The following FBXO45 variants were observed in gnomAD, a reference collection of about 807,000 sequenced individuals.
FBXO45 encodes F-box protein 45.
FBXO45 carries 3 observed loss-of-function variants against 25.5 expected under a neutral mutation model. The ratio of observed to expected loss-of-function variants is 0.12; its 90% CI spans 0.05 to 0.30. The LOEUF is 0.30. FBXO45 is among the 10% of genes least tolerant of loss of function. The pLI, the probability that FBXO45 is intolerant of heterozygous loss-of-function variation, is 1.00. For synonymous variants in FBXO45, 155 were observed against 149.8 expected (o/e 1.03, Z -0.25); for missense variants, 219 against 365.0 (o/e 0.60, Z 3.26).
At chr3:196,580,979 GTT>G (rs982823048) in intron 2 of FBXO45, among the ~76,000 whole-genome samples, 3 of 151,992 alleles carry the variant, frequency 2.0e-5, no homozygotes, top group African/African-American at 7.2e-5. Flanking sequence ...TAGAGACAGG[GTT>G]TTGCCATTTT....
In FBXO45 at chr3:196,569,297, G is replaced by A. The variant is rs1304001240; in HGVS notation, c.313G>A (p.Ala105Thr). 6.4e-7 allele frequency: 1 copy of A among 1,558,004 alleles called. No individual in the cohort carries two copies. Among genetic ancestry groups the A allele is most frequent in the Non-Finnish European group, 8.7e-7 (1 of 1,147,570 alleles). The change falls in exon 1 of 3, where the codon GCC becomes ACC. Residue 105 changes from alanine to threonine, a missense_variant. Ala to Thr is a moderately conservative substitution (Grantham distance 58). Transcript: ENST00000311630. This position sits in a 1 kb window ranked among gnomAD's most constrained non-coding sequence, Gnocchi z 4.1. ...DILCNLPSYK[A>T]KIRAFQHAFS... ...CCTGTGCAACCTGCCCAGCTACAAGGCCAAGGTGAGAGAGCCCCGGGCCAC... is the reference window on the plus strand; with the variant it reads ...CCTGTGCAACCTGCCCAGCTACAAGACCAAGGTGAGAGAGCCCCGGGCCAC...
rs1736101211 is a variant in FBXO45 at position 196,586,000 on chromosome 3, C to CA, written c.*1683dup. 1 of 152,182 alleles carries CA rather than the reference C, an allele frequency of 6.6e-6. No individual in the cohort carries two copies. The allele number at this position is 152,182 out of a possible 1,614,324, so 9.4% of individuals were successfully genotyped here. On this transcript the variant is annotated 3_prime_UTR_variant, in exon 3 of 3. Coordinates refer to ENST00000311630, the MANE Select transcript of FBXO45 (RefSeq NM_001105573.2). ...ACAAGTATTTATTGTGTATTTGATA[C>CA]ATTGCTTGAAAAGATGAAATCTGTT...
rs982068764 is a variant in FBXO45 at position 196,572,626 on chromosome 3, G to T, written c.318+3324G>T. The stretch of plus-strand genomic sequence containing the variant: ...AAGTGGACTGGGACCAAAGCGTAGG[G>T]AAGCCATTTTGAGTTGTAAGCAAGA... On this transcript the variant is annotated intron_variant, in intron 1 of 2. Coordinates refer to ENST00000311630, the MANE Select transcript of FBXO45 (RefSeq NM_001105573.2). 2.0e-5 allele frequency among the ~76,000 whole-genome samples: 3 copies of T among 152,204 alleles called. No homozygotes were observed. The East Asian group carries it at 5.8e-4, about 29-fold the overall frequency.
Position 196,577,635 on chromosome 3 carries a change from T to A in FBXO45, c.501T>A (p.Thr167=). 1 of 1,613,752 alleles carries A rather than the reference T, an allele frequency of 6.2e-7. No homozygotes were observed. Among genetic ancestry groups the A allele is most frequent in the Non-Finnish European group, 8.5e-7 (1 of 1,179,736 alleles). The part of the protein sequence containing the change: ...WEVWWEGPLG[T]VAVIGIATKR... ...TGTGGTGGGAGGGCCCTCTGGGCAC[T>A]GTGGCAGTGATTGGAATTGCCACAA... is the stretch of plus-strand genomic sequence containing the variant. The change falls in exon 2 of 3, where the codon ACT becomes ACA. Residue 167 remains threonine, a synonymous_variant. Coordinates refer to ENST00000311630, the MANE Select transcript of FBXO45 (RefSeq NM_001105573.2).
Position 196,569,416 on chromosome 3 carries a change from C to T in FBXO45, c.318+114C>T. ...GCTTCGCCTCACCAGCCCGCCTTTC[C>T]ACGGCTCCAGTCAGTATCTTCCTCA... On this transcript the variant is annotated intron_variant, in intron 1 of 2. Transcript: ENST00000311630. This position sits in a 1 kb window ranked among gnomAD's most constrained non-coding sequence, Gnocchi z 4.1. 6.7e-6 allele frequency: 7 copies of T among 1,049,912 alleles called. No homozygotes were observed. Among genetic ancestry groups the T allele is most frequent in the Non-Finnish European group, 9.4e-6 (7 of 742,930 alleles). 65.0% of individuals were successfully genotyped at this position (1,049,912 alleles called of 1,614,324 possible). A position where few individuals can be genotyped will look rare whatever the true frequency, so the allele number is the denominator to read the frequency against.
intron 1 of FBXO45, among the ~76,000 whole-genome samples, chr3:196,576,033 G>A (rs1463911342): frequency 2.0e-5 from 3 of 152,006 alleles, no homozygotes; most frequent in Non-Finnish European, 4.4e-5. Flanking sequence ...TTTATAATAC[G>A]AGCAGATAGG....
chr3:196,574,066 C>G (rs1735873643), intron 1 of FBXO45, among the ~76,000 whole-genome samples: 1 of 151,348 alleles, frequency 6.6e-6, no homozygotes, highest in Non-Finnish European at 1.5e-5. Flanking sequence ...TCCCAAGTAG[C>G]TTGGATTACA....
rs1180894358 is a variant in FBXO45 at position 196,569,339 on chromosome 3, C to G, written c.318+37C>G. The G allele has an allele frequency of 2.1e-6, 3 of 1,442,090 alleles. No individual in the cohort carries two copies. Among genetic ancestry groups the G allele is most frequent in the Admixed American group, 4.6e-5 (2 of 43,776 alleles). The allele number at this position is 1,442,090 out of a possible 1,614,324, so 89.3% of individuals were successfully genotyped here. On this transcript the variant is annotated intron_variant, in intron 1 of 2. Transcript: ENST00000311630. The surrounding 1 kb of genome is among the most constrained non-coding windows in gnomAD (Gnocchi z 4.1). ...CCGGGCCACACCGCTGCCCCCAGTC[C>G]CGCTCCCCGGCGTCGTTCGCGGTGT...
chr3:196,585,308 A>C lies in FBXO45; in HGVS notation c.*990A>C, dbSNP rs1180542635. The stretch of plus-strand genomic sequence containing the variant: ...TTTGCTCTTGTAGGCCTCAAATATG[A>C]AAGCTATTAGTCATAGAGCCTAGGA... On this transcript the variant is annotated 3_prime_UTR_variant, in exon 3 of 3. Coordinates refer to ENST00000311630, the MANE Select transcript of FBXO45 (RefSeq NM_001105573.2). 1 of 152,228 alleles carries C rather than the reference A, an allele frequency of 6.6e-6. No homozygotes were observed. Among genetic ancestry groups the C allele is most frequent in the Non-Finnish European group, 1.5e-5 (1 of 68,046 alleles). 9.4% of individuals were successfully genotyped at this position (152,228 alleles called of 1,614,324 possible).
rs765431667 is a variant in FBXO45, at chr3:196,585,628, A to G, written c.*1310A>G. The G allele has an allele frequency of 1.3e-5, 2 of 152,198 alleles. No individual in the cohort carries two copies. Among genetic ancestry groups the G allele is most frequent in the Non-Finnish European group, 2.9e-5 (2 of 68,036 alleles). 9.4% of individuals were successfully genotyped at this position (152,198 alleles called of 1,614,324 possible). A position where few individuals can be genotyped will look rare whatever the true frequency, so the allele number is the denominator to read the frequency against. On this transcript the variant is annotated 3_prime_UTR_variant, in exon 3 of 3. Transcript: ENST00000311630. ...GTAGAAGAGTTTAACATTAACTCCT[A>G]TTTTGACTTACAAATCTTGTTTCTC...
intron 2 of FBXO45, among the ~76,000 whole-genome samples, chr3:196,578,204 T>C (rs1458358907): frequency 6.6e-6 from 1 of 151,848 alleles, no homozygotes; most frequent in African/African-American, 2.4e-5. Context: ...GCCTGGCTAA[T>C]TTTTGTATTT....
intron 2 of FBXO45, among the ~76,000 whole-genome samples, chr3:196,578,094 G>A (rs1207847531): frequency 2.2e-5 from 3 of 138,168 alleles, no homozygotes; most frequent in Admixed American, 1.5e-4. Context: ...AGGCTAGAGT[G>A]CAGTGGCGCC....
At chr3:196,575,885 C>G (rs1430333234) in intron 1 of FBXO45, among the ~76,000 whole-genome samples, 1 of 152,062 alleles carries the variant, frequency 6.6e-6, no homozygotes, top group Non-Finnish European at 1.5e-5. Context: ...GCCATGTTGC[C>G]CAGGCTAGTC....
At chr3:196,581,540 C>CT (rs1400108679) in intron 2 of FBXO45, among the ~76,000 whole-genome samples, 1 of 151,952 alleles carries the variant, frequency 6.6e-6, no homozygotes, top group Non-Finnish European at 1.5e-5. Context: ...GGGCCTGGTT[C>CT]TTTTTTAGAG....
chr3:196,572,502 T>C (rs556930266), intron 1 of FBXO45, among the ~76,000 whole-genome samples: 1 of 152,290 alleles, frequency 6.6e-6, no homozygotes, highest in East Asian at 1.9e-4. Context: ...GAGAACAGCC[T>C]TCCAGGAGGG....
intron 1 of FBXO45, among the ~76,000 whole-genome samples, chr3:196,570,342 A>G (rs1735789323): frequency 6.6e-6 from 1 of 150,768 alleles, no homozygotes; most frequent in Admixed American, 6.6e-5. Flanking sequence ...GGTTCAAGCA[A>G]TTGTCTTGCC....
At chr3:196,582,892 A>G (rs1954468729) in intron 2 of FBXO45, among the ~76,000 whole-genome samples, 1 of 152,212 alleles carries the variant, frequency 6.6e-6, no homozygotes, top group African/African-American at 2.4e-5. Flanking sequence ...GTGGTGAAAC[A>G]TACATATTTA....
intron 2 of FBXO45, among the ~76,000 whole-genome samples, chr3:196,581,195 C>G (rs1258202012): frequency 1.8e-5 from 2 of 109,640 alleles, no homozygotes; most frequent in East Asian, 5.1e-4. Flanking sequence ...TACACTTCAG[C>G]TTTAGAATTT....
intron 1 of FBXO45, among the ~76,000 whole-genome samples, chr3:196,576,753 TG>T (rs1735920333): frequency 6.6e-6 from 1 of 152,234 alleles, no homozygotes; most frequent in Non-Finnish European, 1.5e-5. Flanking sequence ...AGGGATTATT[TG>T]ATTTGGTAAA....
Sources: gnomAD v4.1 joint callset for allele counts (sites outside exome capture counted in the v4.1 genomes callset) on GRCh38, gnomAD v4.1.1 for gene constraint, Gnocchi (gnomAD v3.1) non-coding constraint, MANE v1.5 for transcripts, NCBI Gene and HGNC (gene_info 2026-07-23, HGNC 2026-07-21) for gene names.